The following PARD3B variants were observed in gnomAD, a reference collection of about 807,000 sequenced individuals.
PARD3B encodes partitioning defective 3 homolog B.
PARD3B carries 103 observed loss-of-function variants against 130.2 expected under a neutral mutation model. The observed-to-expected ratio is 0.79, with a 90% CI of 0.67 to 0.93. The LOEUF is 0.93. Among genes scored for constraint, PARD3B ranks in the 40% least tolerant of loss-of-function variants. PARD3B has a pLI of 0.00. For missense variants in PARD3B, 1,609 were observed against 1,499.2 expected, an observed-to-expected ratio of 1.07 and a Z score of -1.21; for synonymous variants, 583 against 553.2, an observed-to-expected ratio of 1.05 and a Z score of -0.76.
At chr2:205,053,495 C>T (rs1478407039) in intron 4 of PARD3B, among the ~76,000 whole-genome samples, 1 of 151,838 alleles carries the variant, frequency 6.6e-6, no homozygotes, top group Non-Finnish European at 1.5e-5. Flanking sequence ...AAAAAATTAT[C>T]CAGGCTTGGT....
At chr2:205,119,943 A>G (rs1230592410) in intron 7 of PARD3B, among the ~76,000 whole-genome samples, 1 of 152,070 alleles carries the variant, frequency 6.6e-6, no homozygotes, top group African/African-American at 2.4e-5. Context: ...TCTGGACCAA[A>G]GGACTAAGTA....
At chr2:204,633,254 A>G (rs1239705775) in intron 1 of PARD3B, among the ~76,000 whole-genome samples, 1 of 152,152 alleles carries the variant, frequency 6.6e-6, no homozygotes. Flanking sequence ...AAACATATCT[A>G]TGTACCCTAT....
rs538271974 is a variant in PARD3B at position 204,669,329 on chromosome 2, A to AT, written c.121-16844dup. Reference sequence around the variant, plus strand: ...ACCATGTTTACTTTCATAAGGAGTAATTTTTTTTACCTATACAAAATTGGA... The same window carrying AT: ...ACCATGTTTACTTTCATAAGGAGTAATTTTTTTTTACCTATACAAAATTGGA... On this transcript the variant is annotated intron_variant, in intron 1 of 22. Transcript: ENST00000406610. This position sits in a 1 kb window ranked among gnomAD's most constrained non-coding sequence, Gnocchi z 4.3. Among the ~76,000 whole-genome samples the AT allele has an allele frequency of 3.3e-5, 5 of 151,826 alleles. No individual in the cohort carries two copies. Among genetic ancestry groups the AT allele is most frequent in the South Asian group, 4.1e-4 (2 of 4,820 alleles).
chr2:205,266,496 A>G (rs1559603617), intron 16 of PARD3B, among the ~76,000 whole-genome samples: 1 of 152,176 alleles, frequency 6.6e-6, no homozygotes, highest in African/African-American at 2.4e-5. Context: ...ATTTCTCTGT[A>G]GTCACATATA....
In PARD3B at chr2:205,473,676, G is replaced by A. The variant is rs1452474073; in HGVS notation, c.3045-26220G>A. Reference sequence around the variant, plus strand: ...TATATGTGTGTGTGTGTGTGTGTGTGTGTGTATGTATATATATATATATAT... The same window carrying A: ...TATATGTGTGTGTGTGTGTGTGTGTATGTGTATGTATATATATATATATAT... On this transcript the variant is annotated intron_variant, in intron 20 of 22. Transcript: ENST00000406610. The surrounding 1 kb of genome is among the most constrained non-coding windows in gnomAD (Gnocchi z 4.9). 1.0e-5 allele frequency among the ~76,000 whole-genome samples: 1 copy of A among 95,936 alleles called. No homozygotes were observed. The highest frequency in any genetic ancestry group is 6.1e-5 in the African/African-American group (1 of 16,342). The allele number at this position is 95,936 out of a possible 152,430, so 62.9% of individuals were successfully genotyped here.
intron 4 of PARD3B, among the ~76,000 whole-genome samples, chr2:205,080,296 G>A (rs1235439789): frequency 6.6e-6 from 1 of 151,856 alleles, no homozygotes; most frequent in African/African-American, 2.4e-5. Flanking sequence ...TTACATTTAG[G>A]TTACCTCCTA....
intron 20 of PARD3B, among the ~76,000 whole-genome samples, chr2:205,475,298 A>G (rs2048987958): frequency 6.6e-6 from 1 of 152,080 alleles, no homozygotes; most frequent in Non-Finnish European, 1.5e-5. Flanking sequence ...CACCACTCCC[A>G]TCAGCATGTG....
intron 15 of PARD3B, among the ~76,000 whole-genome samples, chr2:205,213,057 T>G (rs1026673378): frequency 3.3e-5 from 5 of 152,094 alleles, no homozygotes; most frequent in African/African-American, 4.8e-5. Flanking sequence ...ACATTTAACT[T>G]TGATGGTTGG....
At chr2:205,408,720 CTATT>C (rs1396821568) in intron 19 of PARD3B, among the ~76,000 whole-genome samples, 3 of 152,132 alleles carry the variant, frequency 2.0e-5, no homozygotes, top group East Asian at 1.9e-4. Context: ...AACTTTGGCA[CTATT>C]TAAACTGTTG....
chr2:204,672,521 T>C (rs774700978), intron 1 of PARD3B, among the ~76,000 whole-genome samples: 2 of 152,212 alleles, frequency 1.3e-5, no homozygotes, highest in Non-Finnish European at 2.9e-5. Context: ...TGTGCATGAA[T>C]ATAGCAATAA....
At chr2:205,542,298 C>G (rs12992155) in intron 21 of PARD3B, among the ~76,000 whole-genome samples, 6 of 150,952 alleles carry the variant, frequency 4.0e-5, no homozygotes, top group Admixed American at 2.0e-4. Flanking sequence ...GCATACCAGA[C>G]TAAGAGGCTG....
chr2:204,608,638 T>C (rs1297519152), intron 1 of PARD3B, among the ~76,000 whole-genome samples: 1 of 152,130 alleles, frequency 6.6e-6, no homozygotes, highest in Non-Finnish European at 1.5e-5. Context: ...GGAGTGTTGG[T>C]GACATTCATT....
intron 16 of PARD3B, among the ~76,000 whole-genome samples, chr2:205,272,332 C>T (rs958051781): frequency 6.6e-6 from 1 of 152,022 alleles, no homozygotes; most frequent in Non-Finnish European, 1.5e-5. Context: ...CCTGTCCCCT[C>T]GTTTCTATAA....
At chr2:205,447,744 G>A (rs1208689695) in intron 20 of PARD3B, among the ~76,000 whole-genome samples, 1 of 152,144 alleles carries the variant, frequency 6.6e-6, no homozygotes, top group Non-Finnish European at 1.5e-5. Flanking sequence ...CTCATCAGAG[G>A]CATCTTCTCC....
At position 205,193,185 on chromosome 2, in the gene PARD3B, C is replaced by T. The variant is rs376530631; in HGVS notation, c.2025-20C>T. The T allele has an allele frequency of 3.9e-6, 6 of 1,521,896 alleles. No individual in the cohort carries two copies. Among genetic ancestry groups the T allele is most frequent in the Non-Finnish European group, 5.5e-6 (6 of 1,096,878 alleles). 94.3% of individuals were successfully genotyped at this position (1,521,896 alleles called of 1,614,324 possible). ...GATTTTATTCTAAACCTAAATACAA[C>T]ATATGGCTTCCTTCCACAGCTCTGG... On this transcript the variant is annotated intron_variant, in intron 14 of 22. Transcript: ENST00000406610.
intron 2 of PARD3B, among the ~76,000 whole-genome samples, chr2:204,882,350 C>A (rs7593310): frequency 0.91 from 138,243 of 152,226 alleles, 62,807 homozygotes; most frequent in Non-Finnish European, 0.92. Context: ...TCTAGATTAC[C>A]TCTTTTGGAG....
intron 1 of PARD3B, among the ~76,000 whole-genome samples, chr2:204,559,947 C>T (rs1476374070): frequency 2.0e-5 from 3 of 150,318 alleles, no homozygotes; most frequent in Non-Finnish European, 4.4e-5. Context: ...GACAGAAAAC[C>T]AAACACTCCA....
At chr2:204,686,391 C>T in intron 2 of PARD3B, 109 bp downstream of exon 2, 1 of 837,172 alleles carries the variant, frequency 1.2e-6, no homozygotes, top group South Asian at 1.5e-5. Context: ...TAAAAGATAC[C>T]ATCTGTTCAG....
At chr2:204,560,856 T>C (rs768246233) in intron 1 of PARD3B, among the ~76,000 whole-genome samples, 1 of 151,762 alleles carries the variant, frequency 6.6e-6, no homozygotes, top group Non-Finnish European at 1.5e-5. Flanking sequence ...GTCCTGCTGT[T>C]GGAGTGGAGG....
Sources: allele counts gnomAD v4.1 joint callset (sites outside exome capture counted in the v4.1 genomes callset), GRCh38; gene constraint gnomAD v4.1.1; non-coding constraint Gnocchi (gnomAD v3.1); transcripts MANE v1.5; gene names NCBI Gene and HGNC (gene_info 2026-07-23, HGNC 2026-07-21).